RASGEF1C: variants seen among roughly 807,000 people sequenced by gnomAD.
RASGEF1C encodes ras-GEF domain-containing family member 1C.
A neutral mutation model predicts 58.1 loss-of-function variants in RASGEF1C; 27 were observed. That is an observed-to-expected ratio of 0.46 (90% CI 0.34 to 0.64). RASGEF1C has a LOEUF of 0.64. Among genes scored for constraint, RASGEF1C ranks in the 30% least tolerant of loss-of-function variants. The pLI is 0.01. For missense variants in RASGEF1C, 502 were observed against 605.1 expected (o/e 0.83, Z 1.79); for synonymous variants, 243 against 246.3 (o/e 0.99, Z 0.13).
intron 10 of RASGEF1C, among the ~76,000 whole-genome samples, chr5:180,117,994 CAAAAAA>C (rs3078957): frequency 7.4e-5 from 8 of 108,638 alleles, no homozygotes; most frequent in Admixed American, 9.7e-5. Context: ...ACTCCATCTC[CAAAAAA>C]AAAAAAAAAA....
chr5:180,121,208 G>T, intron 6 of RASGEF1C, 59 bp from the exon 7 acceptor site: 1 of 1,183,828 alleles, frequency 8.4e-7, no homozygotes, highest in Non-Finnish European at 1.3e-6. Context: ...TCATCTTTTA[G>T]AGCATGAAGT....
At chr5:180,128,289 G>T (rs1452823249) in intron 5 of RASGEF1C, 121 bp downstream of exon 5, 4 of 942,138 alleles carry the variant, frequency 4.2e-6, no homozygotes, top group Non-Finnish European at 5.1e-6. Context: ...GCATGCTCGA[G>T]GCTAGGCCAG....
intron 5 of RASGEF1C, 52 bp from the exon 6 acceptor site, chr5:180,127,735 T>G (rs775228368): frequency 6.5e-7 from 1 of 1,548,232 alleles, no homozygotes; most frequent in Non-Finnish European, 8.8e-7. Flanking sequence ...GGGGAGGGGG[T>G]GTCCACTGGG....
intron 8 of RASGEF1C, among the ~76,000 whole-genome samples, 175 bp from the exon 9 acceptor site, chr5:180,119,041 C>T (rs778583287): frequency 2.4e-4 from 36 of 152,340 alleles, no homozygotes; most frequent in Non-Finnish European, 3.7e-4. Context: ...GGCCTGCTGC[C>T]ACCATGCTGG....
intron 12 of RASGEF1C, among the ~76,000 whole-genome samples, chr5:180,104,131 C>CT (rs1561728019): frequency 6.6e-6 from 1 of 152,018 alleles, no homozygotes. Context: ...CCTGTATTTT[C>CT]TTTTTTTGGT....
intron 4 of RASGEF1C, among the ~76,000 whole-genome samples, chr5:180,134,202 G>T (rs1766427506): frequency 6.6e-6 from 1 of 152,158 alleles, no homozygotes; most frequent in South Asian, 2.1e-4. Context: ...TCTTTGGGGT[G>T]CATGCTTTTT....
chr5:180,148,268 T>C (rs1430364375), intron 1 of RASGEF1C, among the ~76,000 whole-genome samples: 1 of 152,206 alleles, frequency 6.6e-6, no homozygotes, highest in African/African-American at 2.4e-5. Context: ...GGACAATATA[T>C]AGTTGGATCT....
rs772499093 is a variant in RASGEF1C at position 180,118,728 on chromosome 5, T to C, written c.988-24A>G. The C allele has an allele frequency of 1.1e-5, 18 of 1,613,950 alleles. No homozygotes were observed. In the Admixed American group the frequency reaches 2.0e-4, roughly 18 times the overall value. On this transcript the variant is annotated intron_variant, in intron 9 of 13. Coordinates refer to ENST00000361132, the MANE Select transcript of RASGEF1C (RefSeq NM_175062.4). ...TGCTGGAAGGAGACAGGGAGGCATG[T>C]GGGCAGTTCTGTCCAGGGGATGGCC...
intron 1 of RASGEF1C, among the ~76,000 whole-genome samples, chr5:180,205,998 G>C (rs1756481031): frequency 6.6e-6 from 1 of 152,194 alleles, no homozygotes. Context: ...GCCTTCCCAA[G>C]TGCTGGGATT....
rs372218927 is a variant in RASGEF1C, at chr5:180,155,855, G to A, written c.-6-17797C>T. Among the ~76,000 whole-genome samples, 12 of 152,196 alleles carry A rather than the reference G, an allele frequency of 7.9e-5. No individual in the cohort carries two copies. Among genetic ancestry groups the A allele is most frequent in the South Asian group, 4.1e-4 (2 of 4,822 alleles). ...GCCTTCCCTTCAGGAACTTCTCCCC[G>A]TTGGCTGAAGCCTGAGTCAGGGTGG... On this transcript the variant is annotated intron_variant, in intron 1 of 13. Transcript: ENST00000361132. This position sits in a 1 kb window ranked among gnomAD's most constrained non-coding sequence, Gnocchi z 5.2.
chr5:180,170,509 T>C (rs1403078089), intron 1 of RASGEF1C, among the ~76,000 whole-genome samples: 1 of 152,198 alleles, frequency 6.6e-6, no homozygotes, highest in Non-Finnish European at 1.5e-5. Context: ...GGTACTGTCC[T>C]TCCAGCCCCC....
At chr5:180,142,338 C>A (rs1161925471) in intron 1 of RASGEF1C, among the ~76,000 whole-genome samples, 1 of 152,164 alleles carries the variant, frequency 6.6e-6, no homozygotes, top group African/African-American at 2.4e-5. Flanking sequence ...AGGGCAGCCC[C>A]TTACACACCA....
intron 6 of RASGEF1C, among the ~76,000 whole-genome samples, chr5:180,121,436 C>T (rs1277241405): frequency 6.6e-6 from 1 of 151,986 alleles, no homozygotes; most frequent in African/African-American, 2.4e-5. Context: ...GCCTCAGCCT[C>T]CCGAGTAGGT....
At chr5:180,171,198 T>A (rs2113310384) in intron 1 of RASGEF1C, among the ~76,000 whole-genome samples, 1 of 152,018 alleles carries the variant, frequency 6.6e-6, no homozygotes, top group East Asian at 1.9e-4. Flanking sequence ...GGAAAACCAT[T>A]CTCAGGAGCT....
rs115647452 is a variant in RASGEF1C, at chr5:180,197,635, G to T, written c.-7+11393C>A. ...GCATGGCCCTGGGATGTCCCCTTGT[G>T]TCCCTGAGCCTCAGTTTCCCCATCT... On this transcript the variant is annotated intron_variant, in intron 1 of 13. Coordinates refer to ENST00000361132, the MANE Select transcript of RASGEF1C (RefSeq NM_175062.4). This position sits in a 1 kb window ranked among gnomAD's most constrained non-coding sequence, Gnocchi z 4.7. Among the ~76,000 whole-genome samples the T allele has an allele frequency of 3.3e-3, 496 of 152,304 alleles. 5 individuals carry two copies. The highest frequency in any genetic ancestry group is 0.011 in the African/African-American group (474 of 41,562).
chr5:180,144,373 C>G (rs1480019246), intron 1 of RASGEF1C, among the ~76,000 whole-genome samples: 1 of 152,292 alleles, frequency 6.6e-6, no homozygotes, highest in East Asian at 1.9e-4. Context: ...AAATCAGAGC[C>G]CTTTCTGCCC....
intron 1 of RASGEF1C, among the ~76,000 whole-genome samples, chr5:180,159,336 C>T (rs980146105): frequency 2.6e-5 from 4 of 152,230 alleles, no homozygotes; most frequent in Middle Eastern, 3.4e-3. Flanking sequence ...GATGGGATTT[C>T]ACCATGTTGC....
At chr5:180,146,210 T>C (rs1258594104) in intron 1 of RASGEF1C, among the ~76,000 whole-genome samples, 1 of 152,222 alleles carries the variant, frequency 6.6e-6, no homozygotes, top group African/African-American at 2.4e-5. Flanking sequence ...TGGCACAATC[T>C]TGACTCACTG....
At chr5:180,178,293 T>G (rs1767264434) in intron 1 of RASGEF1C, among the ~76,000 whole-genome samples, 1 of 138,280 alleles carries the variant, frequency 7.2e-6, no homozygotes, top group Non-Finnish European at 1.6e-5. Flanking sequence ...TTTTTTTTTT[T>G]TTTTTGAGAC....
Sources: allele counts gnomAD v4.1 joint callset (sites outside exome capture counted in the v4.1 genomes callset), GRCh38; gene constraint gnomAD v4.1.1; non-coding constraint Gnocchi (gnomAD v3.1); transcripts MANE v1.5; gene names NCBI Gene and HGNC (gene_info 2026-07-23, HGNC 2026-07-21).